The following GSDME variants were observed in gnomAD, a reference collection of about 807,000 sequenced individuals.
GSDME encodes gasdermin E.
Under a neutral mutation model 47.5 loss-of-function variants are expected in GSDME, and 44 were observed. The ratio of observed to expected loss-of-function variants is 0.93; its 90% confidence interval spans 0.73 to 1.19. The LOEUF (loss-of-function observed/expected upper bound fraction) is 1.19, where lower values mean the gene tolerates loss of function less well. Among genes scored for constraint, GSDME ranks in the 50% most tolerant of loss-of-function variants. GSDME has a pLI of 0.00. For synonymous variants in GSDME, 258 were observed against 252.8 expected, an observed-to-expected ratio of 1.02 and a Z score of -0.20; for missense variants, 663 against 604.2, an observed-to-expected ratio of 1.10 and a Z score of -1.02.
chr7:24,748,265 T>A (rs941551089), intron 2 of GSDME, among the ~76,000 whole-genome samples: 3 of 151,376 alleles, frequency 2.0e-5, no homozygotes, highest in African/African-American at 7.3e-5. Flanking sequence ...GTTCAAGCGA[T>A]TCTCCTGCCT....
the GSDME span, among the ~76,000 whole-genome samples, chr7:24,764,956 C>T: frequency 4.6e-5 from 7 of 152,286 alleles, no homozygotes; most frequent in African/African-American, 1.4e-4. This position sits in a 1 kb window ranked among gnomAD's most constrained non-coding sequence, Gnocchi z 4.4. Context: ...AGAGGAGTGA[C>T]GTGCTGAAAA....
chr7:24,723,578 T>G (rs930550042), intron 3 of GSDME, among the ~76,000 whole-genome samples: 2 of 152,178 alleles, frequency 1.3e-5, no homozygotes, highest in African/African-American at 2.4e-5. Context: ...AAACAAAACA[T>G]TTAAAACTCT....
the GSDME span, among the ~76,000 whole-genome samples, chr7:24,771,852 A>C: frequency 2.0e-5 from 3 of 152,208 alleles, no homozygotes; most frequent in Non-Finnish European, 4.4e-5. The surrounding 1 kb of genome is among the most constrained non-coding windows in gnomAD (Gnocchi z 4.1). Context: ...AGAATCTCTA[A>C]GTCTTGTCCT....
chr7:24,707,258 C>A (rs539156032), intron 7 of GSDME: 5 of 466,066 alleles, frequency 1.1e-5, no homozygotes, highest in African/African-American at 2.0e-5. Context: ...AATAGAAAAA[C>A]AAAAGAACAA....
intron 5 of GSDME, 189 bp downstream of exon 5, chr7:24,717,065 C>T: frequency 1.5e-6 from 1 of 663,358 alleles, no homozygotes; most frequent in Non-Finnish European, 2.6e-6. Context: ...CATCCCTCAC[C>T]ACACCCCTCC....
rs1196374883 is a variant in GSDME at position 24,724,609 on chromosome 7, ACTCC to A, written c.405-5395_405-5392del. ...GGGGGTGCATACTCAGTCGAGAAGA[ACTCC>A]CTCTCCTCACTCAGGGGCTTGGCTC... is the stretch of plus-strand genomic sequence containing the variant. On this transcript the variant is annotated intron_variant, in intron 3 of 9. Coordinates refer to ENST00000645220, the MANE Select transcript of GSDME (RefSeq NM_001127453.2). This position sits in a 1 kb window ranked among gnomAD's most constrained non-coding sequence, Gnocchi z 4.8. The A allele has an allele frequency of 6.6e-6, 1 of 151,834 alleles. No individual in the cohort carries two copies. The highest frequency in any genetic ancestry group is 6.6e-5 in the Admixed American group (1 of 15,238). 9.4% of individuals were successfully genotyped at this position (151,834 alleles called of 1,614,324 possible).
chr7:24,727,748 A>C (rs1790015815), intron 3 of GSDME, among the ~76,000 whole-genome samples: 1 of 152,238 alleles, frequency 6.6e-6, no homozygotes. Context: ...GTTTTATTTC[A>C]GTAACTGCCC....
intron 3 of GSDME, among the ~76,000 whole-genome samples, chr7:24,741,173 G>A (rs1351034346): frequency 6.6e-6 from 1 of 152,134 alleles, no homozygotes; most frequent in East Asian, 1.9e-4. Context: ...CAGACCCTAG[G>A]AAATTAGAAG....
At chr7:24,772,347 T>C in the GSDME span, among the ~76,000 whole-genome samples, 7 of 152,244 alleles carry the variant, frequency 4.6e-5, no homozygotes, top group Admixed American at 2.6e-4. This position sits in a 1 kb window ranked among gnomAD's most constrained non-coding sequence, Gnocchi z 4.5. Context: ...TAAGGTCTCA[T>C]TTATTTATTC....
intron 7 of GSDME, chr7:24,707,135 C>T (rs1789143726): frequency 2.8e-6 from 1 of 361,788 alleles, no homozygotes; most frequent in African/African-American, 2.1e-5. Context: ...GGTTCCATCA[C>T]TGATACCCAG....
Position 24,724,153 on chromosome 7 carries a change from T to C in GSDME, c.405-4935A>G, listed in dbSNP as rs947318964. On this transcript the variant is annotated intron_variant, in intron 3 of 9. Coordinates refer to ENST00000645220, the MANE Select transcript of GSDME (RefSeq NM_001127453.2). This position sits in a 1 kb window ranked among gnomAD's most constrained non-coding sequence, Gnocchi z 4.8. ...TTTTGACCTTTTGACATTTAAACCA[T>C]GTGAATAGATTGCCCAGTTCCAAAA... Among the ~76,000 whole-genome samples the C allele has an allele frequency of 1.3e-5, 2 of 149,960 alleles. No individual in the cohort carries two copies.
rs1446266755 is a variant in GSDME, at chr7:24,722,273, G to A, written c.405-3055C>T. Among the ~76,000 whole-genome samples, 3 of 152,208 alleles carry A rather than the reference G, an allele frequency of 2.0e-5. No homozygotes were observed. The East Asian group carries it at 5.8e-4, about 29-fold the overall frequency. ...CATATGTATTTGTGCATCCACGTGT[G>A]AAAGACAGAAGACACGGAAGATGGG... is the stretch of plus-strand genomic sequence containing the variant. On this transcript the variant is annotated intron_variant, in intron 3 of 9. Coordinates refer to ENST00000645220, the MANE Select transcript of GSDME (RefSeq NM_001127453.2).
In GSDME at chr7:24,703,303, A is replaced by G. The variant is rs966443634; in HGVS notation, c.1184-470T>C. 9 of 264,240 alleles carry G rather than the reference A, an allele frequency of 3.4e-5. No homozygotes were observed. In the Admixed American group the frequency reaches 4.0e-4, roughly 12 times the overall value. 16.4% of individuals were successfully genotyped at this position (264,240 alleles called of 1,614,324 possible). Reference sequence around the variant, plus strand: ...TGTAAACTATAAAGGGCTCTACCCCATCACCAATCATTTTGGGGAGGAAAA... The same window carrying G: ...TGTAAACTATAAAGGGCTCTACCCCGTCACCAATCATTTTGGGGAGGAAAA... On this transcript the variant is annotated intron_variant, in intron 8 of 9. Coordinates refer to ENST00000645220, the MANE Select transcript of GSDME (RefSeq NM_001127453.2).
At chr7:24,794,146 TC>T in the GSDME span, among the ~76,000 whole-genome samples, 1 of 149,918 alleles carries the variant, frequency 6.7e-6, no homozygotes, top group Non-Finnish European at 1.5e-5. Flanking sequence ...TATATCTCTC[TC>T]TTTCTCTCTT....
Position 24,716,157 on chromosome 7 carries a change from A to G in GSDME, c.697+1097T>C, listed in dbSNP as rs1026914863. 4.6e-5 allele frequency among the ~76,000 whole-genome samples: 7 copies of G among 152,220 alleles called. No homozygotes were observed. Among genetic ancestry groups the G allele is most frequent in the Non-Finnish European group, 1.0e-4 (7 of 68,048 alleles). ...GCAGCAGCAGGCATGTGCGTGGTCTATCACGGCCCTTTTAAAAACTGCTGT... is the reference window on the plus strand; with the variant it reads ...GCAGCAGCAGGCATGTGCGTGGTCTGTCACGGCCCTTTTAAAAACTGCTGT... On this transcript the variant is annotated intron_variant, in intron 5 of 9. Coordinates refer to ENST00000645220, the MANE Select transcript of GSDME (RefSeq NM_001127453.2). This position sits in a 1 kb window ranked among gnomAD's most constrained non-coding sequence, Gnocchi z 4.5.
At chr7:24,706,076 G>T (rs183009446) in intron 8 of GSDME, 108 bp downstream of exon 8, 9 of 1,353,424 alleles carry the variant, frequency 6.6e-6, no homozygotes, top group Middle Eastern at 2.2e-4. Flanking sequence ...GGACCTGTAT[G>T]TACCATATCT....
upstream of GSDME, chr7:24,758,041 C>T (rs564197098): frequency 1.2e-4 from 19 of 152,416 alleles, no homozygotes; most frequent in African/African-American, 4.1e-4. This position sits in a 1 kb window ranked among gnomAD's most constrained non-coding sequence, Gnocchi z 4.6. Context: ...ACCAGGCGCT[C>T]TCACACACTG....
chr7:24,784,033 C>G, the GSDME span, among the ~76,000 whole-genome samples: 1 of 152,116 alleles, frequency 6.6e-6, no homozygotes, highest in African/African-American at 2.4e-5. Context: ...GGAGGAGAAG[C>G]CACAGTTTTG....
intron 2 of GSDME, among the ~76,000 whole-genome samples, chr7:24,748,171 T>A (rs965705764): frequency 6.7e-6 from 1 of 148,374 alleles, no homozygotes; most frequent in Admixed American, 6.7e-5. Context: ...TATATATATT[T>A]TTTTTTGAGA....
Sources: allele counts gnomAD v4.1 joint callset (sites outside exome capture counted in the v4.1 genomes callset), GRCh38; gene constraint gnomAD v4.1.1; non-coding constraint Gnocchi (gnomAD v3.1); transcripts MANE v1.5; gene names NCBI Gene and HGNC (gene_info 2026-07-23, HGNC 2026-07-21).